The following ATG9A variants were observed in gnomAD, a reference collection of about 807,000 sequenced individuals.
The protein encoded by ATG9A is autophagy related 9A.
ATG9A carries 21 observed loss-of-function variants against 87.1 expected under a neutral mutation model. That is an observed-to-expected ratio of 0.24 (90% CI 0.17 to 0.35). The LOEUF is 0.35. Ranked by LOEUF, ATG9A falls within the 10% of genes least tolerant of loss-of-function variation. The pLI is 1.00. For missense variants in ATG9A, 836 were observed against 1,107.3 expected (o/e 0.76, Z 3.48); for synonymous variants, 422 against 441.3 (o/e 0.96, Z 0.55).
rs894604497 is a variant in ATG9A, at chr2:219,223,803, G to A, written c.1420-39C>T. ...ACCAAGGTCACAAGCGAGCAGGAGG[G>A]AGCCCAGCCCTCACCACCGAGCTAC... On this transcript the variant is annotated intron_variant, in intron 9 of 15. Transcript: ENST00000361242. The surrounding 1 kb of genome is among the most constrained non-coding windows in gnomAD (Gnocchi z 4.7). The A allele has an allele frequency of 2.5e-6, 4 of 1,613,692 alleles. No individual in the cohort carries two copies. Among genetic ancestry groups the A allele is most frequent in the Non-Finnish European group, 3.4e-6 (4 of 1,179,926 alleles).
At position 219,222,170 on chromosome 2, in the gene ATG9A, G is replaced by A. The variant is rs1156833935; in HGVS notation, c.2028-3C>T. ...AGCTGGCTGTCCTGGCATCCACCCT[G>A]TCTCTCCCAACAGAGACAGACAGCA... On this transcript the variant is annotated splice_polypyrimidine_tract_variant and splice_region_variant and intron_variant, in intron 12 of 15. Coordinates refer to ENST00000361242, the MANE Select transcript of ATG9A (RefSeq NM_001077198.3). This position sits in a 1 kb window ranked among gnomAD's most constrained non-coding sequence, Gnocchi z 4.3. 1 of 1,613,862 alleles carries A rather than the reference G, an allele frequency of 6.2e-7. No homozygotes were observed. Among genetic ancestry groups the A allele is most frequent in the Non-Finnish European group, 8.5e-7 (1 of 1,179,942 alleles).
chr2:219,226,726 A>AC (rs1052234846), intron 5 of ATG9A, 143 bp downstream of exon 5: 2 of 728,512 alleles, frequency 2.7e-6, no homozygotes, highest in Non-Finnish European at 4.8e-6. Flanking sequence ...TTGGTGCCAC[A>AC]CCCAGTCCCT....
At position 219,220,677 on chromosome 2, in the gene ATG9A, C is replaced by A. The variant is rs1950735791; in HGVS notation, c.2514+70G>T. Reference sequence around the variant, plus strand: ...GGGGGTGGGGCATATCTTCCTTCCCCTGAAAAGCTGTTACCTCACCCTGGA... The same window carrying A: ...GGGGGTGGGGCATATCTTCCTTCCCATGAAAAGCTGTTACCTCACCCTGGA... On this transcript the variant is annotated intron_variant, in intron 15 of 15. Transcript: ENST00000361242. 8 of 1,578,134 alleles carry A rather than the reference C, an allele frequency of 5.1e-6. No homozygotes were observed. In the Admixed American group the frequency reaches 1.1e-4, roughly 21 times the overall value.
chr2:219,224,456 G>A lies in ATG9A; in HGVS notation c.915C>T (p.Leu305=). The A allele has an allele frequency of 6.2e-7, 1 of 1,614,126 alleles. No homozygotes were observed. Among genetic ancestry groups the A allele is most frequent in the Non-Finnish European group, 8.5e-7 (1 of 1,180,012 alleles). The change falls in exon 8 of 16, where the codon CTC becomes CTT. Residue 305 remains leucine (L), a synonymous_variant. Coordinates refer to ENST00000361242, the MANE Select transcript of ATG9A (RefSeq NM_001077198.3). This position sits in a 1 kb window ranked among gnomAD's most constrained non-coding sequence, Gnocchi z 7.7. The part of the protein sequence containing the change: ...IANFLLCPLI[L]IWQILYAFFS... ...AGAAGGCATAGAGGATTTGCCATAT[G>A]AGGATGAGGGGGCACAGCAGGAAGT...
Position 219,225,116 on chromosome 2 carries a change from G to T in ATG9A, c.471C>A (p.Tyr157Ter). 1.2e-6 allele frequency: 2 copies of T among 1,614,180 alleles called. No homozygotes were observed. Among genetic ancestry groups the T allele is most frequent in the Non-Finnish European group, 1.7e-6 (2 of 1,180,032 alleles). The change falls in exon 7 of 16, where the codon TAC (tyrosine) becomes TAA (stop). Residue 157 changes from tyrosine (Y) to a stop codon, truncating the protein, a stop_gained. Transcript: ENST00000361242. LOFTEE classifies it high-confidence loss of function. The part of the protein sequence containing the change: ...LIKFIYNICC[Y>*]WEIHSFYLHA... ...GCAGGTAGAAGGAGTGGATCTCCCA[G>T]TAGCAGCAAATGTTATAGATGAACT...
In ATG9A at chr2:219,224,937, T is replaced by C; in HGVS notation, c.517-83A>G. On this transcript the variant is annotated intron_variant, in intron 7 of 15. Transcript: ENST00000361242. This position sits in a 1 kb window ranked among gnomAD's most constrained non-coding sequence, Gnocchi z 7.7. ...CCTTTGCCCTATATTAGAAGTGAGA[T>C]TCAGGGGTTGTGAGCTTAAGAGACA... The C allele has an allele frequency of 2.5e-6, 4 of 1,575,214 alleles. No individual in the cohort carries two copies. Among genetic ancestry groups the C allele is most frequent in the East Asian group, 4.5e-5 (2 of 44,542 alleles).
In ATG9A at chr2:219,226,879, A is replaced by C; in HGVS notation, c.202T>G (p.Phe68Val). 1 of 1,612,744 alleles carries C rather than the reference A, an allele frequency of 6.2e-7. No individual in the cohort carries two copies. Among genetic ancestry groups the C allele is most frequent in the Non-Finnish European group, 8.5e-7 (1 of 1,178,640 alleles). Reference protein sequence around the residue: ...GFTCMLIGEIFELMQFLFVVA... With the variant: ...GFTCMLIGEIVELMQFLFVVA... ...CCTTCTTATACTTACATGAGCTCAA[A>C]GATCTCCCCGATGAGCATACATGTG... is the stretch of plus-strand genomic sequence containing the variant. Residue 68 changes from phenylalanine (F) to valine (V), a missense_variant, in exon 5 of 16, where the codon TTT (phenylalanine) becomes GTT (valine). By Grantham distance (50) the Phe-to-Val change is conservative. Around this residue, in one of 2 missense-constraint regions of ATG9A, gnomAD observed 512 missense variants for 759.6 expected, o/e 0.67. Coordinates refer to ENST00000361242, the MANE Select transcript of ATG9A (RefSeq NM_001077198.3).
Position 219,226,889 on chromosome 2 carries a change from G to C in ATG9A, c.192C>G (p.Ile64Met), listed in dbSNP as rs750805938. 3 of 1,613,376 alleles carry C rather than the reference G, an allele frequency of 1.9e-6. No homozygotes were observed. The highest frequency in any genetic ancestry group is 2.2e-5 in the South Asian group (2 of 91,078). The change falls in exon 5 of 16, where the codon ATC (isoleucine) becomes ATG (methionine). Residue 64 changes from isoleucine to methionine, a missense_variant. Physicochemically the swap from Ile to Met is conservative, Grantham distance 10. Around this residue, in one of 2 missense-constraint regions of ATG9A, gnomAD observed 512 missense variants for 759.6 expected, o/e 0.67. Transcript: ENST00000361242. ...HQKNGFTCML[I>M]GEIFELMQFL... is the part of the protein sequence containing the mutation. ...CTTACATGAGCTCAAAGATCTCCCC[G>C]ATGAGCATACATGTGAAGCCATTCT...
In ATG9A at chr2:219,222,158, G is replaced by A. The variant is rs753527187; in HGVS notation, c.2037C>T (p.Ala679=). 1.2e-6 allele frequency: 2 copies of A among 1,613,566 alleles called. No homozygotes were observed. Among genetic ancestry groups the A allele is most frequent in the Non-Finnish European group, 1.7e-6 (2 of 1,179,982 alleles). ...CGCTGCTCCCGGAGCTGGCTGTCCTGGCATCCACCCTGTCTCTCCCAACAG... is the reference window on the plus strand; with the variant it reads ...CGCTGCTCCCGGAGCTGGCTGTCCTAGCATCCACCCTGTCTCTCCCAACAG... ...HSTMTGSGVD[A]RTASSGSSVW... is the part of the protein sequence containing the mutation. Residue 679 remains alanine, a synonymous_variant, in exon 13 of 16, where the codon GCC becomes GCT. Coordinates refer to ENST00000361242, the MANE Select transcript of ATG9A (RefSeq NM_001077198.3). The surrounding 1 kb of genome is among the most constrained non-coding windows in gnomAD (Gnocchi z 4.3).
intron 15 of ATG9A, 106 bp from the exon 16 acceptor site, chr2:219,220,558 G>C (rs1465956569): frequency 2.2e-5 from 34 of 1,545,426 alleles, no homozygotes; most frequent in Non-Finnish European, 2.8e-5. Flanking sequence ...GTTGATTCCT[G>C]GGGAGGTAAG....
chr2:219,220,545 A>T, intron 15 of ATG9A, 93 bp from the exon 16 acceptor site: 1 of 1,569,552 alleles, frequency 6.4e-7, no homozygotes, highest in Admixed American at 1.7e-5. Flanking sequence ...AGGGACAGGA[A>T]AGGTTGATTC....
rs1321868890 is a variant in ATG9A at position 219,229,357 on chromosome 2, CGCGCGCGCCCCCGTCT to C, written c.-82+162_-82+177del. 2 of 151,316 alleles carry C rather than the reference CGCGCGCGCCCCCGTCT, an allele frequency of 1.3e-5. No homozygotes were observed. The highest frequency in any genetic ancestry group is 2.4e-5 in the African/African-American group (1 of 41,212). 9.4% of individuals were successfully genotyped at this position (151,316 alleles called of 1,614,324 possible). Reference sequence around the variant, plus strand: ...CAACCTCGCGCGCGGCCCCGGCGCCCGCGCGCGCCCCCGTCTGCGCGCGCCAGCAATCAAAACATTC... The same window carrying C: ...CAACCTCGCGCGCGGCCCCGGCGCCCGCGCGCGCCAGCAATCAAAACATTC... On this transcript the variant is annotated intron_variant, in intron 1 of 15. Coordinates refer to ENST00000361242, the MANE Select transcript of ATG9A (RefSeq NM_001077198.3). This position sits in a 1 kb window ranked among gnomAD's most constrained non-coding sequence, Gnocchi z 4.2.
At position 219,222,684 on chromosome 2, in the gene ATG9A, G is replaced by A. The variant is rs1950786960; in HGVS notation, c.1809C>T (p.Ala603=). 3 of 1,614,056 alleles carry A rather than the reference G, an allele frequency of 1.9e-6. No individual in the cohort carries two copies. Among genetic ancestry groups the A allele is most frequent in the African/African-American group, 2.7e-5 (2 of 74,924 alleles). ...LAQGGLLPEN[A]LFTSIQSLQS... ...GTAAGGACTGGATAGACGTAAAGAG[G>A]GCATTTTCAGGGAGCAGACCCCCTT... Residue 603 remains alanine, a synonymous_variant, in exon 11 of 16, where the codon GCC becomes GCT. Transcript: ENST00000361242. This position sits in a 1 kb window ranked among gnomAD's most constrained non-coding sequence, Gnocchi z 4.3.
At position 219,223,405 on chromosome 2, in the gene ATG9A, A is replaced by C. The variant is rs986910183; in HGVS notation, c.1599+180T>G. On this transcript the variant is annotated intron_variant, in intron 10 of 15. Coordinates refer to ENST00000361242, the MANE Select transcript of ATG9A (RefSeq NM_001077198.3). The surrounding 1 kb of genome is among the most constrained non-coding windows in gnomAD (Gnocchi z 4.7). ...GCCTGGCCGTGTTGTGCCTTTCTTA[A>C]GGGAGCTTGGCCAAGGGTGCGAATT... Among the ~76,000 whole-genome samples, 4 of 152,092 alleles carry C rather than the reference A, an allele frequency of 2.6e-5. No individual in the cohort carries two copies. The highest frequency in any genetic ancestry group is 2.6e-4 in the Admixed American group (4 of 15,268).
chr2:219,222,530 C>A lies in ATG9A; in HGVS notation c.1849-80G>T. The A allele has an allele frequency of 6.4e-7, 1 of 1,563,056 alleles. No homozygotes were observed. Among genetic ancestry groups the A allele is most frequent in the Non-Finnish European group, 8.7e-7 (1 of 1,152,348 alleles). ...TCCCCTAGTATTCTGTATCTCAGGCCCCAGTGGCACATACTGAAGAGACAG... is the reference window on the plus strand; with the variant it reads ...TCCCCTAGTATTCTGTATCTCAGGCACCAGTGGCACATACTGAAGAGACAG... On this transcript the variant is annotated intron_variant, in intron 11 of 15. Coordinates refer to ENST00000361242, the MANE Select transcript of ATG9A (RefSeq NM_001077198.3). The surrounding 1 kb of genome is among the most constrained non-coding windows in gnomAD (Gnocchi z 4.3).
Position 219,220,272 on chromosome 2 carries a change from T to C in ATG9A, c.*175A>G, listed in dbSNP as rs1219465980. 1 of 794,124 alleles carries C rather than the reference T, an allele frequency of 1.3e-6. No individual in the cohort carries two copies. The highest frequency in any genetic ancestry group is 2.0e-6 in the Non-Finnish European group (1 of 507,828). 49.2% of individuals were successfully genotyped at this position (794,124 alleles called of 1,614,324 possible). On this transcript the variant is annotated 3_prime_UTR_variant, in exon 16 of 16. Transcript: ENST00000361242. ...TCGGTTCCTAGGCCCCAAATTCCTC[T>C]CCTGGGGCTGTGGCAAGCCCAGTGT...
In ATG9A at chr2:219,222,027, CTCT is replaced by C. The variant is rs763702485; in HGVS notation, c.2145+20_2145+22del. 2.5e-6 allele frequency: 4 copies of C among 1,603,876 alleles called. No homozygotes were observed. Among genetic ancestry groups the C allele is most frequent in the Non-Finnish European group, 2.6e-6 (3 of 1,173,056 alleles). ...CTTCTCCGCATCTAAACCCTCTACTCTCTTTTTTAGCTGTGCACTCACCTGGTG... is the reference window on the plus strand; with the variant it reads ...CTTCTCCGCATCTAAACCCTCTACTCTTTTTAGCTGTGCACTCACCTGGTG... On this transcript the variant is annotated intron_variant, in intron 13 of 15. Coordinates refer to ENST00000361242, the MANE Select transcript of ATG9A (RefSeq NM_001077198.3). This position sits in a 1 kb window ranked among gnomAD's most constrained non-coding sequence, Gnocchi z 4.3.
At position 219,220,197 on chromosome 2, in the gene ATG9A, C is replaced by T. The variant is rs1454164821; in HGVS notation, c.*250G>A. ...GGCTGGGGGCCAGTTTCTAGCACCA[C>T]ACTCTGAGCCAAGGGGGTCCTGGGG... On this transcript the variant is annotated 3_prime_UTR_variant, in exon 16 of 16. Transcript: ENST00000361242. The T allele has an allele frequency of 7.6e-6, 4 of 523,542 alleles. No individual in the cohort carries two copies. The highest frequency in any genetic ancestry group is 5.8e-5 in the East Asian group (2 of 34,350). 32.4% of individuals were successfully genotyped at this position (523,542 alleles called of 1,614,324 possible). A position where few individuals can be genotyped will look rare whatever the true frequency, so the allele number is the denominator to read the frequency against.
Position 219,224,046 on chromosome 2 carries a change from A to G in ATG9A, c.1266-24T>C, listed in dbSNP as rs763041796. The stretch of plus-strand genomic sequence containing the variant: ...ACCTAGTGGGATCAGGATCATGGTG[A>G]GATGTATGCCTTTCCCAGGAATGCT... On this transcript the variant is annotated intron_variant, in intron 8 of 15. Transcript: ENST00000361242. This position sits in a 1 kb window ranked among gnomAD's most constrained non-coding sequence, Gnocchi z 7.7. The G allele has an allele frequency of 6.2e-7, 1 of 1,605,638 alleles. No individual in the cohort carries two copies. The highest frequency in any genetic ancestry group is 8.5e-7 in the Non-Finnish European group (1 of 1,174,814).
Sources: allele counts gnomAD v4.1 joint callset (sites outside exome capture counted in the v4.1 genomes callset), GRCh38; gene constraint gnomAD v4.1.1; regional missense constraint gnomAD v4.1.1; non-coding constraint Gnocchi (gnomAD v3.1); transcripts MANE v1.5; gene names NCBI Gene and HGNC (gene_info 2026-07-23, HGNC 2026-07-21).